Variants in GRIP1 observed in about 807,000 individuals in gnomAD.
The protein encoded by GRIP1 is glutamate receptor interacting protein 1, also known as glutamate receptor-interacting protein 1.
Under a neutral mutation model 129.9 loss-of-function variants are expected in GRIP1, and 45 were observed. The ratio of observed to expected loss-of-function variants is 0.35; its 90% confidence interval spans 0.27 to 0.44. The LOEUF (loss-of-function observed/expected upper bound fraction) is 0.44. GRIP1 is among the 20% of genes least tolerant of loss of function. The pLI is 1.00. For synonymous variants in GRIP1, 530 were observed against 520.8 expected, an observed-to-expected ratio of 1.02 and a Z score of -0.24; for missense variants, 1,196 against 1,396.8, an observed-to-expected ratio of 0.86 and a Z score of 2.29.
chr12:67,010,139 GA>G (rs1335589301), intron 1 of GRIP1, among the ~76,000 whole-genome samples: 2 of 152,042 alleles, frequency 1.3e-5, no homozygotes. Flanking sequence ...TGATTCAGAT[GA>G]AGACAAAAGG....
At chr12:66,769,853 C>A (rs750008943) in intron 1 of GRIP1, among the ~76,000 whole-genome samples, 3 of 152,142 alleles carry the variant, frequency 2.0e-5, no homozygotes, top group Non-Finnish European at 4.4e-5. Context: ...TTTCCCATCC[C>A]ACCTTGCTGA....
At chr12:66,973,964 G>A (rs1366283323) in intron 1 of GRIP1, among the ~76,000 whole-genome samples, 1 of 131,606 alleles carries the variant, frequency 7.6e-6, no homozygotes, top group African/African-American at 2.8e-5. Flanking sequence ...TTGTCGCCCA[G>A]ACTGGAGTAG....
At chr12:66,769,659 T>C (rs1566013120) in intron 1 of GRIP1, among the ~76,000 whole-genome samples, 1 of 152,138 alleles carries the variant, frequency 6.6e-6, no homozygotes, top group Non-Finnish European at 1.5e-5. Context: ...GTTATCTCTC[T>C]TATTGCTGCA....
chr12:66,968,816 T>G (rs2042033524), intron 1 of GRIP1, among the ~76,000 whole-genome samples: 1 of 152,198 alleles, frequency 6.6e-6, no homozygotes, highest in Non-Finnish European at 1.5e-5. Flanking sequence ...TTCTCTGATG[T>G]TCTTTCCTTA....
intron 1 of GRIP1, among the ~76,000 whole-genome samples, chr12:66,928,093 C>T (rs184662719): frequency 2.6e-5 from 4 of 152,266 alleles, no homozygotes; most frequent in East Asian, 1.9e-4. Flanking sequence ...GTCTGCGCTC[C>T]GGACTTCAGT....
chr12:66,415,646 A>G (rs1045815825), intron 15 of GRIP1, among the ~76,000 whole-genome samples: 3 of 152,228 alleles, frequency 2.0e-5, no homozygotes, highest in African/African-American at 4.8e-5. Context: ...CACTATTCAC[A>G]ATAGCAAATA....
At chr12:66,888,663 A>C (rs1289401804) in intron 1 of GRIP1, among the ~76,000 whole-genome samples, 1 of 152,206 alleles carries the variant, frequency 6.6e-6, no homozygotes, top group African/African-American at 2.4e-5. Flanking sequence ...TTGCCCTGCC[A>C]GAACTGACAT....
chr12:66,895,202 C>T (rs1408548008), intron 1 of GRIP1, among the ~76,000 whole-genome samples: 1 of 152,140 alleles, frequency 6.6e-6, no homozygotes. Flanking sequence ...ATTGTAGCTC[C>T]TATAATCCCC....
chr12:66,569,005 G>A (rs1039573095), intron 2 of GRIP1: 1 of 473,306 alleles, frequency 2.1e-6, no homozygotes, highest in Non-Finnish European at 4.2e-6. Context: ...AATTCTATCT[G>A]CGTGCTTCTC....
intron 1 of GRIP1, among the ~76,000 whole-genome samples, chr12:66,700,431 CTTT>C (rs57728495): frequency 2.2e-5 from 3 of 138,114 alleles, no homozygotes; most frequent in Admixed American, 1.5e-4. Flanking sequence ...CCAGTGGCAG[CTTT>C]TTTTTTTTTT....
chr12:66,376,891 A>T, intron 22 of GRIP1, 126 bp downstream of exon 22: 1 of 792,766 alleles, frequency 1.3e-6, no homozygotes, highest in Non-Finnish European at 2.3e-6. Flanking sequence ...CAAGTCAGTA[A>T]GCTTGAGGGG....
chr12:66,788,253 T>C (rs77492763), intron 1 of GRIP1, among the ~76,000 whole-genome samples: 1 of 151,372 alleles, frequency 6.6e-6, no homozygotes, highest in African/African-American at 2.4e-5. Flanking sequence ...TTTTTTTTTT[T>C]AAGCTAAAGC....
chr12:66,476,192 C>T (rs954816759), intron 7 of GRIP1, among the ~76,000 whole-genome samples: 6 of 151,996 alleles, frequency 3.9e-5, no homozygotes, highest in Admixed American at 2.0e-4. Flanking sequence ...ATATCACCAC[C>T]GATCCCACAG....
At chr12:66,522,534 T>G (rs990888467) in intron 5 of GRIP1, among the ~76,000 whole-genome samples, 11 of 152,288 alleles carry the variant, frequency 7.2e-5, no homozygotes, top group Admixed American at 5.2e-4. Context: ...AACACATCTG[T>G]ACGTCACCAT....
intron 2 of GRIP1, among the ~76,000 whole-genome samples, chr12:66,585,225 T>C (rs1306249210): frequency 7.1e-6 from 1 of 141,644 alleles, no homozygotes; most frequent in Non-Finnish European, 1.5e-5. Context: ...TAGCATTAGG[T>C]ATATCTCCCA....
intron 1 of GRIP1, among the ~76,000 whole-genome samples, chr12:66,724,012 A>G (rs1307838005): frequency 3.3e-5 from 5 of 152,234 alleles, no homozygotes; most frequent in African/African-American, 4.8e-5. Context: ...CCCTTGTGCC[A>G]TAACATCTTG....
At chr12:66,419,223 A>G (rs2057716507) in intron 15 of GRIP1, among the ~76,000 whole-genome samples, 1 of 152,136 alleles carries the variant, frequency 6.6e-6, no homozygotes, top group Non-Finnish European at 1.5e-5. Context: ...GTTCTCACTT[A>G]TTTGTGGTAT....
chr12:67,069,137 TCGCTCTTTCTCGCTGG>T (rs1215829181), exon 1 of GRIP1: 1 of 983,516 alleles, frequency 1.0e-6, no homozygotes, highest in Non-Finnish European at 1.2e-6. Context: ...GCTGTCGGGC[TCGCTCTTTCTCGCTGG>T]CTCTCTTTCT....
chr12:66,528,136 T>TTTTTTTTTTGG (rs1236081415), intron 5 of GRIP1, among the ~76,000 whole-genome samples: 6 of 66,718 alleles, frequency 9.0e-5, no homozygotes, highest in Non-Finnish European at 1.4e-4. Context: ...ATTAGTAGGT[T>TTTTTTTTTTGG]TTTTTTTTTT....
Sources: gnomAD v4.1 joint callset for allele counts (sites outside exome capture counted in the v4.1 genomes callset) on GRCh38, gnomAD v4.1.1 for gene constraint, MANE v1.5 for transcripts, NCBI Gene and HGNC (gene_info 2026-07-23, HGNC 2026-07-21) for gene names.